COA5: variants seen among roughly 807,000 people sequenced by gnomAD.
COA5 encodes the protein cytochrome c oxidase assembly factor 5, also known as protein C2orf64.
In COA5, 11 loss-of-function variants were observed where a neutral mutation model predicts 11.8. That is an observed-to-expected ratio of 0.93 (90% CI 0.59 to 1.54). COA5 has a LOEUF of 1.54. Ranked by LOEUF, COA5 falls within the 40% of genes most tolerant of loss-of-function variation. The pLI is 0.00. For missense variants in COA5, 87 were observed against 89.2 expected (o/e 0.97, Z 0.10); for synonymous variants, 38 against 37.5 (o/e 1.01, Z -0.05).
rs1700617092 is a variant in COA5, at chr2:98,599,898, G to A, written c.*854C>T. The A allele has an allele frequency of 6.6e-6, 1 of 152,340 alleles. No homozygotes were observed. Among genetic ancestry groups the A allele is most frequent in the East Asian group, 1.9e-4 (1 of 5,202 alleles). 9.4% of individuals were successfully genotyped at this position (152,340 alleles called of 1,614,324 possible). On this transcript the variant is annotated 3_prime_UTR_variant, in exon 3 of 3. Coordinates refer to ENST00000328709, the MANE Select transcript of COA5 (RefSeq NM_001008215.3). ...TCTGACAGGAGTTAGCAATGACAGTGCAGATAGATAGCCCAGGCCTGGCCA... is the reference window on the plus strand; with the variant it reads ...TCTGACAGGAGTTAGCAATGACAGTACAGATAGATAGCCCAGGCCTGGCCA...
chr2:98,601,932 A>G (rs982317450), intron 2 of COA5, among the ~76,000 whole-genome samples: 1 of 152,124 alleles, frequency 6.6e-6, no homozygotes, highest in African/African-American at 2.4e-5. Flanking sequence ...CCGTCCGTGG[A>G]AAGATTGTCT....
rs985609164 is a variant in COA5, at chr2:98,600,595, C to T, written c.*157G>A. 5 of 675,612 alleles carry T rather than the reference C, an allele frequency of 7.4e-6. No individual in the cohort carries two copies. The highest frequency in any genetic ancestry group is 5.5e-5 in the East Asian group (2 of 36,506). The allele number at this position is 675,612 out of a possible 1,614,324, so 41.9% of individuals were successfully genotyped here. A position where few individuals can be genotyped will look rare whatever the true frequency, so the allele number is the denominator to read the frequency against. ...GAGAATCATTTACTTTATACATATT[C>T]GAAAACAACTCATCCACTTTCTTCA... On this transcript the variant is annotated 3_prime_UTR_variant, in exon 3 of 3. Transcript: ENST00000328709.
rs1188640048 is a variant in COA5, at chr2:98,600,154, A to AAGAT, written c.*594_*597dup. Reference sequence around the variant, plus strand: ...GTAACCAGGAAACAAAAACAGTCCGAAGATGATGGTAAAGAGCCTGGGCAA... The same window carrying AAGAT: ...GTAACCAGGAAACAAAAACAGTCCGAAGATAGATGATGGTAAAGAGCCTGGGCAA... On this transcript the variant is annotated 3_prime_UTR_variant, in exon 3 of 3. Transcript: ENST00000328709. 6.5e-6 allele frequency: 1 copy of AAGAT among 154,332 alleles called. No homozygotes were observed. Among genetic ancestry groups the AAGAT allele is most frequent in the African/African-American group, 2.4e-5 (1 of 41,482 alleles). 9.6% of individuals were successfully genotyped at this position (154,332 alleles called of 1,614,324 possible). A position where few individuals can be genotyped will look rare whatever the true frequency, so the allele number is the denominator to read the frequency against.
In COA5 at chr2:98,608,371, C is replaced by CCGCCCTGCGGCTTGTCCTCATAATA. The variant is rs1303309372; in HGVS notation, c.10_34dup (p.Gly12ValfsTer3). On this transcript the variant is annotated stop_gained and frameshift_variant, in exon 1 of 3. Transcript: ENST00000328709. LOFTEE classifies it high-confidence loss of function. ...GTCCTCCTTCAGGCCCGCGCACGCG[C>CCGCCCTGCGGCTTGTCCTCATAATA]CGCCCTGCGGCTTGTCCTCATAATA... 1.4e-5 allele frequency: 23 copies of CCGCCCTGCGGCTTGTCCTCATAATA among 1,608,876 alleles called. No homozygotes were observed. The highest frequency in any genetic ancestry group is 1.9e-5 in the Non-Finnish European group (22 of 1,178,516).
Position 98,604,208 on chromosome 2 carries a change from AAAC to A in COA5, c.100-20_100-18del. ...TTTTCCTTCCTATGACAGACACATA[AAAC>A]AATATAAACACCTTGGAAATTTTCT... On this transcript the variant is annotated intron_variant, in intron 1 of 2. Transcript: ENST00000328709. The A allele has an allele frequency of 1.3e-6, 2 of 1,556,348 alleles. No individual in the cohort carries two copies. The highest frequency in any genetic ancestry group is 1.8e-6 in the Non-Finnish European group (2 of 1,127,568).
rs1187716715 is a variant in COA5 at position 98,600,379 on chromosome 2, G to A, written c.*373C>T. The A allele has an allele frequency of 3.9e-6, 1 of 255,276 alleles. No individual in the cohort carries two copies. The highest frequency in any genetic ancestry group is 7.7e-6 in the Non-Finnish European group (1 of 130,182). 15.8% of individuals were successfully genotyped at this position (255,276 alleles called of 1,614,324 possible). ...TTCCCAACAGACACCTTCTGGATAG[G>A]CTGCATGTTATCGACTGTGTCAGTC... On this transcript the variant is annotated 3_prime_UTR_variant, in exon 3 of 3. Coordinates refer to ENST00000328709, the MANE Select transcript of COA5 (RefSeq NM_001008215.3).
chr2:98,606,549 G>A (rs758575357), intron 1 of COA5, among the ~76,000 whole-genome samples: 4 of 152,196 alleles, frequency 2.6e-5, no homozygotes, highest in Non-Finnish European at 5.9e-5. Flanking sequence ...AAACAGCTCC[G>A]CTTTCTATAC....
intron 1 of COA5, among the ~76,000 whole-genome samples, chr2:98,605,230 G>C (rs1206816119): frequency 6.6e-6 from 1 of 152,160 alleles, no homozygotes; most frequent in East Asian, 1.9e-4. Flanking sequence ...AGATCTCCTA[G>C]ACGCCCTTGC....
intron 2 of COA5, among the ~76,000 whole-genome samples, chr2:98,603,649 C>T (rs1278744047): frequency 6.6e-6 from 1 of 152,136 alleles, no homozygotes; most frequent in Non-Finnish European, 1.5e-5. Context: ...GAATGAACCC[C>T]AGAGATTTGT....
At chr2:98,602,112 A>T (rs1251163437) in intron 2 of COA5, among the ~76,000 whole-genome samples, 3 of 152,200 alleles carry the variant, frequency 2.0e-5, no homozygotes, top group African/African-American at 7.2e-5. Flanking sequence ...TTAAAAAAAA[A>T]TTTTAAAACA....
intron 1 of COA5, chr2:98,604,925 A>G (rs1700688436): frequency 6.6e-6 from 1 of 152,256 alleles, no homozygotes; most frequent in Non-Finnish European, 1.5e-5. Context: ...CTTCCTCTCC[A>G]AACTCTGCAA....
intron 1 of COA5, chr2:98,604,510 G>A (rs1375911138): frequency 1.0e-5 from 3 of 297,542 alleles, no homozygotes; most frequent in Non-Finnish European, 1.9e-5. Flanking sequence ...TGTGTGAACT[G>A]GGTACCCTAA....
chr2:98,608,451 A>G lies in COA5; in HGVS notation c.-46T>C. ...GCGGACGCGACTTTCTCCCACCGCA[A>G]CACTTGCAACCGGGTCGGGAGCGAG... On this transcript the variant is annotated 5_prime_UTR_variant, in exon 1 of 3. Coordinates refer to ENST00000328709, the MANE Select transcript of COA5 (RefSeq NM_001008215.3). The G allele has an allele frequency of 7.1e-7, 1 of 1,416,582 alleles. No homozygotes were observed. The highest frequency in any genetic ancestry group is 9.7e-7 in the Non-Finnish European group (1 of 1,027,982). 87.8% of individuals were successfully genotyped at this position (1,416,582 alleles called of 1,614,324 possible).
intron 1 of COA5, among the ~76,000 whole-genome samples, chr2:98,606,236 T>C (rs1020711451): frequency 2.6e-5 from 4 of 152,138 alleles, no homozygotes; most frequent in Non-Finnish European, 5.9e-5. Flanking sequence ...TCAGCAGAGC[T>C]TTCCTTGGTC....
At chr2:98,600,899 A>G (rs1387488880) in intron 2 of COA5, 106 bp from the exon 3 acceptor site, 1 of 759,150 alleles carries the variant, frequency 1.3e-6, no homozygotes, top group East Asian at 2.7e-5. Context: ...ACCAGTTATT[A>G]GCAAAATCAA....
intron 2 of COA5, 148 bp downstream of exon 2, chr2:98,603,960 T>G: frequency 1.6e-6 from 1 of 635,786 alleles, no homozygotes; most frequent in South Asian, 1.9e-5. Flanking sequence ...CTACCTAACG[T>G]TAACTCACTG....
At position 98,599,482 on chromosome 2, in the gene COA5, C is replaced by A. The variant is rs1700611280; in HGVS notation, c.*1270G>T. 6.6e-6 allele frequency: 1 copy of A among 152,058 alleles called. No individual in the cohort carries two copies. Among genetic ancestry groups the A allele is most frequent in the South Asian group, 2.1e-4 (1 of 4,822 alleles). The allele number at this position is 152,058 out of a possible 1,614,324, so 9.4% of individuals were successfully genotyped here. On this transcript the variant is annotated 3_prime_UTR_variant, in exon 3 of 3. Transcript: ENST00000328709. ...ATACATTGAAAAAAACTATTATTGT[C>A]CCTTTCCTGGTGAAAAGGAGTATAC...
intron 1 of COA5, among the ~76,000 whole-genome samples, chr2:98,605,142 CAT>C (rs1559144955): frequency 6.6e-6 from 1 of 152,202 alleles, no homozygotes; most frequent in Non-Finnish European, 1.5e-5. Flanking sequence ...AAGAGACAGT[CAT>C]TCGTTATCCA....
intron 1 of COA5, among the ~76,000 whole-genome samples, chr2:98,608,083 C>CA (rs1245407641): frequency 2.6e-5 from 4 of 152,260 alleles, no homozygotes; most frequent in Non-Finnish European, 5.9e-5. Flanking sequence ...TTAACCTTTA[C>CA]AAAAACCCGA....
Sources: allele counts gnomAD v4.1 joint callset (sites outside exome capture counted in the v4.1 genomes callset), GRCh38; gene constraint gnomAD v4.1.1; transcripts MANE v1.5; gene names NCBI Gene and HGNC (gene_info 2026-07-23, HGNC 2026-07-21).